The following PPP2R2C variants were observed in gnomAD, a reference collection of about 807,000 sequenced individuals.
PPP2R2C encodes the protein protein phosphatase 2 regulatory subunit Bgamma.
A neutral mutation model predicts 45.3 loss-of-function variants in PPP2R2C; 10 were observed. The ratio of observed to expected loss-of-function variants is 0.22; its 90% CI spans 0.14 to 0.37. The LOEUF (loss-of-function observed/expected upper bound fraction) is 0.37. Ranked by LOEUF, PPP2R2C falls within the 10% of genes least tolerant of loss-of-function variation. The pLI is 1.00. For synonymous variants in PPP2R2C, 257 were observed against 245.4 expected (o/e 1.05, Z -0.44); for missense variants, 308 against 619.7 (o/e 0.50, Z 5.34).
intron 1 of PPP2R2C, among the ~76,000 whole-genome samples, chr4:6,411,895 C>T (rs867414657): frequency 6.6e-5 from 10 of 152,214 alleles, no homozygotes; most frequent in South Asian, 2.1e-4. Flanking sequence ...AGTGGCCCTG[C>T]CATATTCCTT....
In PPP2R2C at chr4:6,372,518, G is replaced by A; in HGVS notation, c.625+5C>T. On this transcript the variant is annotated splice_donor_5th_base_variant and intron_variant, in intron 5 of 8. Coordinates refer to ENST00000382599, the MANE Select transcript of PPP2R2C (RefSeq NM_020416.4). ...AGGCACTGGCCAGGCCACAGTGAAG[G>A]ATACTGAAGCTCCTGTCGGTGATGG... 1 of 1,613,822 alleles carries A rather than the reference G, an allele frequency of 6.2e-7. No individual in the cohort carries two copies. The highest frequency in any genetic ancestry group is 8.5e-7 in the Non-Finnish European group (1 of 1,179,724).
chr4:6,434,444 C>T (rs753196969), intron 1 of PPP2R2C, among the ~76,000 whole-genome samples: 20 of 143,040 alleles, frequency 1.4e-4, no homozygotes, highest in Non-Finnish European at 2.7e-4. Flanking sequence ...CTGCAACTTC[C>T]ACCTCCTGGG....
At chr4:6,436,439 C>G (rs1425271654) in intron 1 of PPP2R2C, among the ~76,000 whole-genome samples, 2 of 152,220 alleles carry the variant, frequency 1.3e-5, no homozygotes, top group Non-Finnish European at 2.9e-5. Context: ...TACTGCACTT[C>G]CCCACATATG....
intron 2 of PPP2R2C, among the ~76,000 whole-genome samples, chr4:6,512,509 ATGT>A (rs373437704): frequency 0.36 from 15,232 of 42,272 alleles, 2,458 homozygotes; most frequent in East Asian, 0.7. Context: ...GGTGGTGGTG[ATGT>A]TGGTGGTGGT....
chr4:6,487,941 C>A (rs1275414980), intron 2 of PPP2R2C, among the ~76,000 whole-genome samples: 1 of 151,984 alleles, frequency 6.6e-6, no homozygotes, highest in Non-Finnish European at 1.5e-5. Flanking sequence ...CTCTATATTT[C>A]TTTTTGGATA....
intron 1 of PPP2R2C, among the ~76,000 whole-genome samples, chr4:6,430,502 C>T (rs930700079): frequency 4.6e-5 from 7 of 152,266 alleles, no homozygotes; most frequent in Admixed American, 1.3e-4. Flanking sequence ...ACAAAGTCTC[C>T]GTGAAGAAAG....
At chr4:6,350,693 C>T in intron 5 of PPP2R2C, 1 of 985,296 alleles carries the variant, frequency 1.0e-6, no homozygotes, top group Non-Finnish European at 1.2e-6. Flanking sequence ...CTCCTTCGGC[C>T]TTTCAGAACC....
At chr4:6,417,539 C>A (rs745963935) in intron 1 of PPP2R2C, among the ~76,000 whole-genome samples, 1 of 152,238 alleles carries the variant, frequency 6.6e-6, no homozygotes, top group Non-Finnish European at 1.5e-5. Flanking sequence ...CCAAAGACAT[C>A]ACGGGGCATG....
At chr4:6,527,875 G>A (rs1216433565) in intron 2 of PPP2R2C, among the ~76,000 whole-genome samples, 1 of 152,192 alleles carries the variant, frequency 6.6e-6, no homozygotes, top group Non-Finnish European at 1.5e-5. Context: ...TGGGGCCCCA[G>A]CAGGAGGAGA....
Position 6,356,456 on chromosome 4 carries a change from C to T in PPP2R2C, c.626-8446G>A, listed in dbSNP as rs536912897. Among the ~76,000 whole-genome samples, 34 of 152,308 alleles carry T rather than the reference C, an allele frequency of 2.2e-4. No individual in the cohort carries two copies. In the East Asian group the frequency reaches 4.8e-3, roughly 22 times the overall value. The stretch of plus-strand genomic sequence containing the variant: ...CAGTTGGGCTCCAGAGTCTTCCATA[C>T]GCCCTCCGTGGCTCCAGAGTGCAAT... On this transcript the variant is annotated intron_variant, in intron 5 of 8. Coordinates refer to ENST00000382599, the MANE Select transcript of PPP2R2C (RefSeq NM_020416.4).
intron 2 of PPP2R2C, among the ~76,000 whole-genome samples, chr4:6,518,575 A>G (rs758529520): frequency 1.3e-5 from 2 of 152,202 alleles, no homozygotes; most frequent in Non-Finnish European, 2.9e-5. Flanking sequence ...TAAATGATAC[A>G]ATCTGCCAAA....
In PPP2R2C at chr4:6,353,378, C is replaced by T. The variant is rs75921715; in HGVS notation, c.626-5368G>A. The stretch of plus-strand genomic sequence containing the variant: ...ACACTGACAGCCCCCCAACCAACAG[C>T]CCCCACACTGACAGCCCCCCCACAC... On this transcript the variant is annotated intron_variant, in intron 5 of 8. Coordinates refer to ENST00000382599, the MANE Select transcript of PPP2R2C (RefSeq NM_020416.4). Among the ~76,000 whole-genome samples, 199 of 37,096 alleles carry T rather than the reference C, an allele frequency of 5.4e-3. 9 individuals are homozygous for T. Among genetic ancestry groups the T allele is most frequent in the Middle Eastern group, 0.026 (1 of 38 alleles). The allele number at this position is 37,096 out of a possible 152,430, so 24.3% of individuals were successfully genotyped here.
intron 1 of PPP2R2C, among the ~76,000 whole-genome samples, chr4:6,554,634 C>T (rs1725300811): frequency 6.6e-6 from 1 of 152,042 alleles, no homozygotes. Context: ...CCAAGGCAGG[C>T]AGAGTACTTG....
intron 6 of PPP2R2C, among the ~76,000 whole-genome samples, chr4:6,337,102 A>ATGTGTGTGTGTG (rs1158525075): frequency 7.2e-4 from 27 of 37,296 alleles, no homozygotes; most frequent in African/African-American, 3.2e-3. Flanking sequence ...TTGTTTCTGT[A>ATGTGTGTGTGTG]TGTGTGTGTG....
chr4:6,512,907 T>C (rs544179141), intron 2 of PPP2R2C, among the ~76,000 whole-genome samples: 11 of 151,992 alleles, frequency 7.2e-5, no homozygotes, highest in Non-Finnish European at 1.6e-4. Context: ...CCCAGTGAAA[T>C]CAGACCCAAT....
At chr4:6,394,295 G>A (rs781663867) in intron 1 of PPP2R2C, among the ~76,000 whole-genome samples, 1 of 152,190 alleles carries the variant, frequency 6.6e-6, no homozygotes, top group African/African-American at 2.4e-5. Flanking sequence ...TCTCTAAAAT[G>A]GGTTTCATAT....
chr4:6,398,953 T>C (rs6446498), intron 1 of PPP2R2C, among the ~76,000 whole-genome samples: 46,353 of 151,942 alleles, frequency 0.31, 7,591 homozygotes, highest in East Asian at 0.71. Context: ...CAGGGGGAAG[T>C]TCAAAATACC....
At chr4:6,449,771 G>T (rs1720639974) in intron 1 of PPP2R2C, among the ~76,000 whole-genome samples, 1 of 152,212 alleles carries the variant, frequency 6.6e-6, no homozygotes, top group Non-Finnish European at 1.5e-5. Flanking sequence ...GCTCTGAATG[G>T]CCAGAATCTT....
chr4:6,335,484 G>T (rs1365607631), intron 6 of PPP2R2C, among the ~76,000 whole-genome samples: 1 of 152,162 alleles, frequency 6.6e-6, no homozygotes, highest in African/African-American at 2.4e-5. Flanking sequence ...GGGGGAACAG[G>T]GACGCAAGGG....
Sources: gnomAD v4.1 joint callset for allele counts (sites outside exome capture counted in the v4.1 genomes callset) on GRCh38, gnomAD v4.1.1 for gene constraint, MANE v1.5 for transcripts, NCBI Gene and HGNC (gene_info 2026-07-23, HGNC 2026-07-21) for gene names.